The following CARD14 variants were observed in gnomAD, a reference collection of about 807,000 sequenced individuals.
CARD14 encodes the protein caspase recruitment domain family member 14.
Under a neutral mutation model 111.5 loss-of-function variants are expected in CARD14, and 107 were observed. The ratio of observed to expected loss-of-function variants is 0.96; its 90% CI spans 0.82 to 1.13. The LOEUF is 1.13. CARD14 is among the 50% of genes most tolerant of loss of function. The pLI, the probability that CARD14 is intolerant of heterozygous loss-of-function variation, is 0.00. For synonymous variants in CARD14, 617 were observed against 579.6 expected, an observed-to-expected ratio of 1.06 and a Z score of -0.93; for missense variants, 1,322 against 1,362.3, an observed-to-expected ratio of 0.97 and a Z score of 0.47.
chr17:80,183,871 C>G (rs754847815), intron 6 of CARD14, 42 bp from the exon 7 acceptor site: 42 of 1,441,514 alleles, frequency 2.9e-5, no homozygotes, highest in Non-Finnish European at 3.8e-5. Context: ...CACCTATTAC[C>G]TCCCTACCTG....
chr17:80,182,121 G>A lies in CARD14; in HGVS notation c.211+472G>A, dbSNP rs1048796016. ...ATAATGTTCATGCATGTTGGCGTACGAACCCCAAACACAGGAGAGATTGAT... is the reference window on the plus strand; with the variant it reads ...ATAATGTTCATGCATGTTGGCGTACAAACCCCAAACACAGGAGAGATTGAT... On this transcript the variant is annotated intron_variant, in intron 5 of 23. Coordinates refer to ENST00000648509, the MANE Select transcript of CARD14 (RefSeq NM_001366385.1). The surrounding 1 kb of genome is among the most constrained non-coding windows in gnomAD (Gnocchi z 4.7). Among the ~76,000 whole-genome samples the A allele has an allele frequency of 4.6e-5, 7 of 152,186 alleles. No homozygotes were observed. In the South Asian group the frequency reaches 8.3e-4, roughly 18 times the overall value.
intron 2 of CARD14, among the ~76,000 whole-genome samples, chr17:80,173,721 C>A (rs749160747): frequency 3.4e-4 from 51 of 151,760 alleles, no homozygotes; most frequent in Non-Finnish European, 6.5e-4. Flanking sequence ...GCCTCAGCTT[C>A]CCAAGTAGCT....
At chr17:80,190,633 A>T in intron 9 of CARD14, 141 bp from the exon 10 acceptor site, 2 of 797,306 alleles carry the variant, frequency 2.5e-6, no homozygotes, top group Non-Finnish European at 3.6e-6. Flanking sequence ...AAAAAAAGAG[A>T]GAGAGAGACG....
At position 80,207,101 on chromosome 17, in the gene CARD14, G is replaced by A; in HGVS notation, c.2807+16G>A. 6.3e-7 allele frequency: 1 copy of A among 1,586,446 alleles called. No individual in the cohort carries two copies. The highest frequency in any genetic ancestry group is 8.7e-7 in the Non-Finnish European group (1 of 1,155,668). On this transcript the variant is annotated intron_variant, in intron 23 of 23. Transcript: ENST00000648509. ...AGAAGCTCAAGTAGGTGCACGCTGG[G>A]GGCTGGGCAGGGGCTTCGAAGCGGC...
intron 2 of CARD14, among the ~76,000 whole-genome samples, chr17:80,173,683 C>A (rs368636843): frequency 4.6e-5 from 7 of 151,952 alleles, no homozygotes; most frequent in African/African-American, 1.7e-4. Context: ...ACTGCAACCT[C>A]TGCCTCCCAG....
chr17:80,191,611 C>A, intron 11 of CARD14, 139 bp downstream of exon 11: 1 of 1,025,858 alleles, frequency 9.7e-7, no homozygotes, highest in Non-Finnish European at 1.4e-6. Flanking sequence ...GCGGCACCTG[C>A]AGAGACGGCC....
At chr17:80,197,307 G>C (rs1426961638) in intron 14 of CARD14, 1 of 152,240 alleles carries the variant, frequency 6.6e-6, no homozygotes, top group Non-Finnish European at 1.5e-5. Flanking sequence ...GGCCAAAGTG[G>C]GTGGATCATG....
chr17:80,190,785 G>A lies in CARD14; in HGVS notation c.975G>A (p.Glu325=), dbSNP rs2040500580. The A allele has an allele frequency of 6.2e-7, 1 of 1,614,060 alleles. No individual in the cohort carries two copies. Reference sequence around the variant, plus strand: ...CCCACTCTGTCCAGTACTGGGAAGAGAAGGAACAGACCCTGCTGCAGTTCC... The same window carrying A: ...CCCACTCTGTCCAGTACTGGGAAGAAAAGGAACAGACCCTGCTGCAGTTCC... ...AERQREQYWE[E]KEQTLLQFQK... Residue 325 remains glutamate (E), a synonymous_variant, in exon 10 of 24, where the codon GAG becomes GAA. Coordinates refer to ENST00000648509, the MANE Select transcript of CARD14 (RefSeq NM_001366385.1).
At chr17:80,178,894 C>T (rs1305374877) in intron 3 of CARD14, among the ~76,000 whole-genome samples, 1 of 152,122 alleles carries the variant, frequency 6.6e-6, no homozygotes, top group Non-Finnish European at 1.5e-5. Context: ...TACAGGCACC[C>T]GTCACCATGA....
At chr17:80,192,716 T>C (rs1456222866) in intron 12 of CARD14, 97 bp downstream of exon 12, 2 of 775,978 alleles carry the variant, frequency 2.6e-6, no homozygotes, top group East Asian at 5.1e-5. Flanking sequence ...TTCCACCCTG[T>C]CCCCACAGGG....
At chr17:80,202,088 T>A in intron 17 of CARD14, 92 bp from the exon 18 acceptor site, 2 of 1,261,674 alleles carry the variant, frequency 1.6e-6, no homozygotes, top group South Asian at 1.4e-5. Flanking sequence ...ACTGGGAGGG[T>A]CCTTCCTTCT....
intron 6 of CARD14, among the ~76,000 whole-genome samples, chr17:80,183,530 G>A (rs753891319): frequency 3.9e-5 from 6 of 152,186 alleles, no homozygotes; most frequent in African/African-American, 1.4e-4. Flanking sequence ...TCACGGGGAA[G>A]GTCAGAGTGG....
intron 2 of CARD14, among the ~76,000 whole-genome samples, chr17:80,175,751 C>T (rs1287673181): frequency 6.6e-6 from 1 of 152,012 alleles, no homozygotes; most frequent in Non-Finnish European, 1.5e-5. Flanking sequence ...GGGATGGGGG[C>T]CCAGCCTAGG....
At chr17:80,174,654 G>A (rs1032797420) in intron 2 of CARD14, among the ~76,000 whole-genome samples, 5 of 152,060 alleles carry the variant, frequency 3.3e-5, no homozygotes, top group African/African-American at 9.7e-5. Context: ...TATTCCCACC[G>A]TAGTTTAGTC....
intron 2 of CARD14, among the ~76,000 whole-genome samples, chr17:80,175,270 G>T (rs2039999531): frequency 6.6e-6 from 1 of 152,180 alleles, no homozygotes; most frequent in Admixed American, 6.5e-5. Flanking sequence ...GAGCCACCAT[G>T]CCCGGCCTGC....
intron 14 of CARD14, chr17:80,197,039 A>G (rs1436232394): frequency 6.6e-6 from 1 of 152,310 alleles, no homozygotes; most frequent in Non-Finnish European, 1.5e-5. Context: ...TCTACTAAAA[A>G]TACAAAAGTC....
In CARD14 at chr17:80,189,895, C is replaced by T. The variant is rs2040465254; in HGVS notation, c.963+23C>T. ...CAGGTGCCGTGTGAGCCCTTCCTCC[C>T]TTGTGACTCTCCTGGGGCTTGTCTC... On this transcript the variant is annotated intron_variant, in intron 9 of 23. Transcript: ENST00000648509. This position sits in a 1 kb window ranked among gnomAD's most constrained non-coding sequence, Gnocchi z 4.7. 3.1e-6 allele frequency: 5 copies of T among 1,589,176 alleles called. No homozygotes were observed. Among genetic ancestry groups the T allele is most frequent in the Middle Eastern group, 1.7e-4 (1 of 5,988 alleles).
chr17:80,176,592 C>T (rs1394564175), intron 2 of CARD14, among the ~76,000 whole-genome samples: 1 of 152,156 alleles, frequency 6.6e-6, no homozygotes, highest in South Asian at 2.1e-4. Flanking sequence ...CATCCCCTAC[C>T]TTTAGCTACC....
chr17:80,195,264 C>T lies in CARD14; in HGVS notation c.1430C>T (p.Ala477Val), dbSNP rs546212263. The part of the protein sequence containing the change: ...LVDSFRSSSP[A>V]PPSQQSLYKR... Reference sequence around the variant, plus strand: ...GACAGCTTCCGCTCCAGCAGCCCCGCGCCCCCCAGCCAGCAGTCCCTGTAC... The same window carrying T: ...GACAGCTTCCGCTCCAGCAGCCCCGTGCCCCCCAGCCAGCAGTCCCTGTAC... Residue 477 changes from alanine (A) to valine (V), a missense_variant, in exon 13 of 24, where the codon GCG (alanine) becomes GTG (valine). Transcript: ENST00000648509. The surrounding 1 kb of genome is among the most constrained non-coding windows in gnomAD (Gnocchi z 4.7). 1.9e-4 allele frequency: 309 copies of T among 1,612,546 alleles called. 5 individuals carry two copies. The South Asian group carries it at 3.0e-3, about 16-fold the overall frequency.
Sources: gnomAD v4.1 joint callset for allele counts (sites outside exome capture counted in the v4.1 genomes callset) on GRCh38, gnomAD v4.1.1 for gene constraint, Gnocchi (gnomAD v3.1) non-coding constraint, MANE v1.5 for transcripts, NCBI Gene and HGNC (gene_info 2026-07-23, HGNC 2026-07-21) for gene names.